The following CELSR1 variants were observed in gnomAD, a reference collection of about 807,000 sequenced individuals.
CELSR1 encodes the protein adhesion G protein-coupled receptor C1.
Under a neutral mutation model 249.1 loss-of-function variants are expected in CELSR1, and 110 were observed. The ratio of observed to expected loss-of-function variants is 0.44; its 90% CI spans 0.38 to 0.52. The LOEUF is 0.52. Ranked by LOEUF, CELSR1 falls within the 20% of genes least tolerant of loss-of-function variation. CELSR1 has a pLI of 0.00. For synonymous variants in CELSR1, 2,113 were observed against 1,900.0 expected, an observed-to-expected ratio of 1.11 and a Z score of -2.92; for missense variants, 4,109 against 4,296.4, an observed-to-expected ratio of 0.96 and a Z score of 1.22.
chr22:46,470,832 T>A (rs1273802910), intron 1 of CELSR1, among the ~76,000 whole-genome samples: 4 of 152,080 alleles, frequency 2.6e-5, no homozygotes, highest in African/African-American at 9.7e-5. Flanking sequence ...GATGTTAGGT[T>A]ACAAGAAACA....
chr22:46,394,009 G>T, intron 14 of CELSR1, 133 bp downstream of exon 14: 1 of 1,156,358 alleles, frequency 8.6e-7, no homozygotes, highest in Non-Finnish European at 1.2e-6. Flanking sequence ...TGTGATGTGA[G>T]TGGGCACAGG....
In CELSR1 at chr22:46,508,093, G is replaced by A. The variant is rs577548647; in HGVS notation, c.3544+25534C>T. Among the ~76,000 whole-genome samples, 7 of 152,238 alleles carry A rather than the reference G, an allele frequency of 4.6e-5. No individual in the cohort carries two copies. In the South Asian group the frequency reaches 6.2e-4, roughly 14 times the overall value. ...CTGGCCCACAGGCCTTCCATAAACC[G>A]GCACAGCCTGTACATGCCCCTTTGT... On this transcript the variant is annotated intron_variant, in intron 1 of 34. Transcript: ENST00000674500.
Position 46,408,881 on chromosome 22 carries a change from G to T in CELSR1, c.5226+115C>A. The T allele has an allele frequency of 3.8e-6, 3 of 795,588 alleles. No individual in the cohort carries two copies. The highest frequency in any genetic ancestry group is 2.1e-5 in the South Asian group (1 of 47,994). The allele number at this position is 795,588 out of a possible 1,614,324, so 49.3% of individuals were successfully genotyped here. ...TCTTCGGAGAACCCCAGGGGCGGGC[G>T]CCGGAGGAAGGGCGAGTAGCAGGTG... On this transcript the variant is annotated intron_variant, in intron 9 of 34. Coordinates refer to ENST00000674500, the MANE Select transcript of CELSR1 (RefSeq NM_001378328.1). This position sits in a 1 kb window ranked among gnomAD's most constrained non-coding sequence, Gnocchi z 4.6.
chr22:46,528,143 G>T (rs182997620), intron 1 of CELSR1, among the ~76,000 whole-genome samples: 53 of 151,250 alleles, frequency 3.5e-4, no homozygotes, highest in Non-Finnish European at 7.1e-4. Flanking sequence ...TACCCTGTGA[G>T]TTCCAGAAAA....
rs573963951 is a variant in CELSR1 at position 46,397,247 on chromosome 22, A to G, written c.5701+427T>C. Among the ~76,000 whole-genome samples the G allele has an allele frequency of 7.9e-4, 112 of 141,420 alleles. No individual in the cohort carries two copies. In the South Asian group the frequency reaches 0.025, roughly 32 times the overall value. 92.8% of individuals were successfully genotyped at this position (141,420 alleles called of 152,430 possible). A position where few individuals can be genotyped will look rare whatever the true frequency, so the allele number is the denominator to read the frequency against. ...GCCTCCCACGTAGCTAGGACTACAG[A>G]TGCGTGCCACCATGCCTGGCTAATT... On this transcript the variant is annotated intron_variant, in intron 12 of 34. Transcript: ENST00000674500.
At chr22:46,520,858 G>A (rs985186310) in intron 1 of CELSR1, among the ~76,000 whole-genome samples, 3 of 152,060 alleles carry the variant, frequency 2.0e-5, no homozygotes, top group African/African-American at 4.8e-5. Context: ...TTCCCAAAGT[G>A]AAACTCTGTC....
At chr22:46,400,824 C>G (rs918154597) in intron 9 of CELSR1, among the ~76,000 whole-genome samples, 3 of 151,988 alleles carry the variant, frequency 2.0e-5, no homozygotes, top group Admixed American at 6.6e-5. Flanking sequence ...TGGTGGTGTG[C>G]TCCTGTAATC....
chr22:46,413,415 C>G lies in CELSR1; in HGVS notation c.4612-1656G>C. ...TATGTGGCCACCCCAGCTGAGGCTT[C>G]TCCTCCCTCTTATCCAATCATCTAA... is the stretch of plus-strand genomic sequence containing the variant. On this transcript the variant is annotated intron_variant, in intron 5 of 34. Transcript: ENST00000674500. This position sits in a 1 kb window ranked among gnomAD's most constrained non-coding sequence, Gnocchi z 4.7. Among the ~76,000 whole-genome samples the G allele has an allele frequency of 6.6e-6, 1 of 152,186 alleles. No individual in the cohort carries two copies.
intron 25 of CELSR1, among the ~76,000 whole-genome samples, chr22:46,371,376 C>A (rs577444151): frequency 1.3e-5 from 2 of 152,128 alleles, no homozygotes; most frequent in Admixed American, 6.5e-5. Flanking sequence ...CCTCAGACTG[C>A]GTCTAATCCC....
In CELSR1 at chr22:46,363,743, G is replaced by C; in HGVS notation, c.9035+253C>G. On this transcript the variant is annotated intron_variant, in intron 34 of 34. Transcript: ENST00000674500. This position sits in a 1 kb window ranked among gnomAD's most constrained non-coding sequence, Gnocchi z 4.3. ...CCAGCACCTTAGGTCCTAGCATTTT[G>C]GGGCTGGCCAGGGCTTCAGAGTCCC... is the stretch of plus-strand genomic sequence containing the variant. 1.8e-6 allele frequency: 1 copy of C among 541,928 alleles called. No homozygotes were observed. Among genetic ancestry groups the C allele is most frequent in the Non-Finnish European group, 3.2e-6 (1 of 312,326 alleles). 33.6% of individuals were successfully genotyped at this position (541,928 alleles called of 1,614,324 possible). A position where few individuals can be genotyped will look rare whatever the true frequency, so the allele number is the denominator to read the frequency against.
At position 46,365,341 on chromosome 22, in the gene CELSR1, T is replaced by C; in HGVS notation, c.8444A>G (p.Glu2815Gly). 1.2e-6 allele frequency: 2 copies of C among 1,612,980 alleles called. No individual in the cohort carries two copies. The highest frequency in any genetic ancestry group is 1.7e-6 in the Non-Finnish European group (2 of 1,179,966). Residue 2815 changes from glutamate to glycine, a missense_variant, in exon 32 of 35, where the codon GAG becomes GGG. Physicochemically the swap from Glu to Gly is moderately conservative, Grantham distance 98. Around this residue, in one of 7 missense-constraint regions of CELSR1, gnomAD observed 1,805 missense variants for 1,831.6 expected, o/e 0.99. Transcript: ENST00000674500. ...SDSDSELSLD[E>G]QSSSYASSHS... ...TGAGGAGGCGTAAGAGCTGCTCTGC[T>C]CATCCAGGGACAGCTCGCTATCTGA...
At chr22:46,420,211 T>TA (rs1394021746) in intron 5 of CELSR1, among the ~76,000 whole-genome samples, 2 of 149,000 alleles carry the variant, frequency 1.3e-5, no homozygotes, top group Non-Finnish European at 3.0e-5. Context: ...CCCACACTCG[T>TA]ACATACCCAC....
Position 46,364,079 on chromosome 22 carries a change from C to T in CELSR1, c.8952G>A (p.Gly2984=). 1 of 1,612,376 alleles carries T rather than the reference C, an allele frequency of 6.2e-7. No individual in the cohort carries two copies. The highest frequency in any genetic ancestry group is 1.7e-5 in the Admixed American group (1 of 60,008). The part of the protein sequence containing the change: ...PDCAITVKSP[G]REPGRDHLNG... ...TGAGGTGGTCACGCCCCGGCTCCCT[C>T]CCAGGGCTCTTGACTGTGATGGCGC... The change falls in exon 34 of 35, where the codon GGG becomes GGA. Residue 2984 remains glycine (G), a synonymous_variant. Transcript: ENST00000674500.
Position 46,391,644 on chromosome 22 carries a change from A to AGCGTGGTGACCTCG in CELSR1, c.6123_6136dup (p.Leu2046ProfsTer10). On this transcript the variant is annotated frameshift_variant, in exon 15 of 35. Coordinates refer to ENST00000674500, the MANE Select transcript of CELSR1 (RefSeq NM_001378328.1). LOFTEE classifies it high-confidence loss of function. This position sits in a 1 kb window ranked among gnomAD's most constrained non-coding sequence, Gnocchi z 4.3. Reference sequence around the variant, plus strand: ...GGGGCAACGCGGACCTTCACAGCCGAGCGTGGTGACCTCGGCAAACGGGTT... The same window carrying AGCGTGGTGACCTCG: ...GGGGCAACGCGGACCTTCACAGCCGAGCGTGGTGACCTCGGCGTGGTGACCTCGGCAAACGGGTT... 1 of 1,601,760 alleles carries AGCGTGGTGACCTCG rather than the reference A, an allele frequency of 6.2e-7. No individual in the cohort carries two copies. Among genetic ancestry groups the AGCGTGGTGACCTCG allele is most frequent in the Non-Finnish European group, 8.5e-7 (1 of 1,176,786 alleles).
chr22:46,388,584 G>A (rs1030685738), intron 18 of CELSR1, among the ~76,000 whole-genome samples: 5 of 148,316 alleles, frequency 3.4e-5, no homozygotes, highest in Non-Finnish European at 7.5e-5. Flanking sequence ...GGATGGGTGG[G>A]AGGGACAGGG....
rs1313749008 is a variant in CELSR1 at position 46,537,511 on chromosome 22, G to A, written c.-341C>T. ...GGCGCGGGCTCGGCCGGACGGGCGT[G>A]GGAAGCGGGGCGGGCCCGGCGCGGG... On this transcript the variant is annotated 5_prime_UTR_variant, in exon 1 of 35. Coordinates refer to ENST00000674500, the MANE Select transcript of CELSR1 (RefSeq NM_001378328.1). The surrounding 1 kb of genome is among the most constrained non-coding windows in gnomAD (Gnocchi z 5.8). Among the ~76,000 whole-genome samples, 1 of 148,640 alleles carries A rather than the reference G, an allele frequency of 6.7e-6. No homozygotes were observed. The highest frequency in any genetic ancestry group is 6.7e-5 in the Admixed American group (1 of 14,964).
In CELSR1 at chr22:46,464,413, C is replaced by G; in HGVS notation, c.3545-68G>C. The G allele has an allele frequency of 6.6e-7, 1 of 1,516,136 alleles. No homozygotes were observed. Among genetic ancestry groups the G allele is most frequent in the Non-Finnish European group, 8.9e-7 (1 of 1,122,668 alleles). 93.9% of individuals were successfully genotyped at this position (1,516,136 alleles called of 1,614,324 possible). ...AGTCACAGGTCCTATAGGCCCCATC[C>G]CAGGAGCAGCCTCAGGCATGCTTGG... On this transcript the variant is annotated intron_variant, in intron 1 of 34. Coordinates refer to ENST00000674500, the MANE Select transcript of CELSR1 (RefSeq NM_001378328.1). This position sits in a 1 kb window ranked among gnomAD's most constrained non-coding sequence, Gnocchi z 8.5.
intron 27 of CELSR1, among the ~76,000 whole-genome samples, chr22:46,368,534 C>G (rs9627427): frequency 1.2e-3 from 182 of 152,152 alleles, no homozygotes; most frequent in African/African-American, 4.3e-3. Flanking sequence ...CCAGCCCCTG[C>G]GCAAGCATTA....
At chr22:46,378,345 T>TATA (rs2078940746) in intron 23 of CELSR1, among the ~76,000 whole-genome samples, 1 of 152,164 alleles carries the variant, frequency 6.6e-6, no homozygotes, top group Admixed American at 6.5e-5. Context: ...TGAAAACCCT[T>TATA]ATAATGGGGC....
Sources: gnomAD v4.1 joint callset for allele counts (sites outside exome capture counted in the v4.1 genomes callset) on GRCh38, gnomAD v4.1.1 for gene constraint, gnomAD v4.1.1 regional missense constraint, Gnocchi (gnomAD v3.1) non-coding constraint, MANE v1.5 for transcripts, NCBI Gene and HGNC (gene_info 2026-07-23, HGNC 2026-07-21) for gene names.